The following ATF1 variants were observed in gnomAD, a reference collection of about 807,000 sequenced individuals.
The protein encoded by ATF1 is activating transcription factor 1, also known as cyclic AMP-dependent transcription factor ATF-1.
In ATF1, 16 loss-of-function variants were observed where a neutral mutation model predicts 34.7. The ratio of observed to expected loss-of-function variants is 0.46; its 90% CI spans 0.31 to 0.70. The LOEUF is 0.70. Among genes scored for constraint, ATF1 ranks in the 30% least tolerant of loss-of-function variants. The probability of loss-of-function intolerance (pLI) is 0.05; values close to 1 mark genes in which losing one functional copy is unlikely to be tolerated. For synonymous variants in ATF1, 105 were observed against 113.1 expected (o/e 0.93, Z 0.46); for missense variants, 255 against 321.6 (o/e 0.79, Z 1.58).
chr12:50,784,824 A>G (rs1218439354), intron 2 of ATF1, among the ~76,000 whole-genome samples: 1 of 151,944 alleles, frequency 6.6e-6, no homozygotes, highest in African/African-American at 2.4e-5. Flanking sequence ...CTGGATATAT[A>G]TTGGTTGTAA....
chr12:50,780,001 C>T (rs1179235150), intron 1 of ATF1, 139 bp from the exon 2 acceptor site: 1 of 503,244 alleles, frequency 2.0e-6, no homozygotes, highest in Non-Finnish European at 3.3e-6. Context: ...AATGCACAGT[C>T]CCCTTTCTAT....
rs1941928334 is a variant in ATF1, at chr12:50,820,460, A to AAAG, written c.*682_*684dup. 5.5e-6 allele frequency: 1 copy of AAAG among 183,244 alleles called. No homozygotes were observed. Among genetic ancestry groups the AAAG allele is most frequent in the Non-Finnish European group, 1.2e-5 (1 of 85,810 alleles). The allele number at this position is 183,244 out of a possible 1,614,324, so 11.4% of individuals were successfully genotyped here. ...ATCAGAATGGAAAAAGAACTGTTTAAAAGTTTGATACTTTTAAATAGTTGG... is the reference window on the plus strand; with the variant it reads ...ATCAGAATGGAAAAAGAACTGTTTAAAAGAAGTTTGATACTTTTAAATAGTTGG... On this transcript the variant is annotated 3_prime_UTR_variant, in exon 7 of 7. Coordinates refer to ENST00000262053, the MANE Select transcript of ATF1 (RefSeq NM_005171.5).
chr12:50,802,656 G>A (rs567383145), intron 3 of ATF1, among the ~76,000 whole-genome samples: 3 of 151,270 alleles, frequency 2.0e-5, no homozygotes, highest in African/African-American at 4.8e-5. Flanking sequence ...GGCAGATCAC[G>A]AGGTCAGGAG....
At chr12:50,809,142 G>A (rs1941678298) in intron 3 of ATF1, among the ~76,000 whole-genome samples, 1 of 152,102 alleles carries the variant, frequency 6.6e-6, no homozygotes, top group Admixed American at 6.6e-5. Flanking sequence ...GGGAAGAGGA[G>A]ATGAGTGGAT....
At position 50,819,701 on chromosome 12, in the gene ATF1, A is replaced by G; in HGVS notation, c.738A>G (p.Ala246=). The G allele has an allele frequency of 1.9e-6, 3 of 1,611,534 alleles. No homozygotes were observed. The highest frequency in any genetic ancestry group is 2.5e-6 in the Non-Finnish European group (3 of 1,178,520). The stretch of plus-strand genomic sequence containing the variant: ...TGAAATGCCTGGAAAACCGAGTTGC[A>G]GTCCTGGAAAATCAAAATAAAACTC... The part of the protein sequence containing the change: ...EYVKCLENRV[A]VLENQNKTLI... The change falls in exon 7 of 7, where the codon GCA becomes GCG. Residue 246 remains alanine (A), a synonymous_variant. Coordinates refer to ENST00000262053, the MANE Select transcript of ATF1 (RefSeq NM_005171.5).
chr12:50,803,632 A>G (rs1261877055), intron 3 of ATF1, among the ~76,000 whole-genome samples: 1 of 152,220 alleles, frequency 6.6e-6, no homozygotes, highest in Non-Finnish European at 1.5e-5. Flanking sequence ...CATTTATATG[A>G]AAACTTGTTC....
chr12:50,819,428 C>G (rs1447146366), intron 6 of ATF1, among the ~76,000 whole-genome samples: 1 of 152,172 alleles, frequency 6.6e-6, no homozygotes, highest in Non-Finnish European at 1.5e-5. Flanking sequence ...TGGGAATGTT[C>G]TGTTGTCTTG....
intron 1 of ATF1, among the ~76,000 whole-genome samples, chr12:50,767,556 C>T (rs561825809): frequency 9.9e-5 from 15 of 152,250 alleles, no homozygotes; most frequent in Admixed American, 8.5e-4. Flanking sequence ...CCTGTAAGCT[C>T]GCTTTTCAAG....
chr12:50,809,395 ATTATT>A (rs148890504), intron 3 of ATF1, 56 bp from the exon 4 acceptor site: 43,342 of 1,175,078 alleles, frequency 0.037, 441 homozygotes, highest in Non-Finnish European at 0.043. Flanking sequence ...AAAAAAAAAA[ATTATT>A]TTTGTGAAGT....
intron 1 of ATF1, among the ~76,000 whole-genome samples, chr12:50,772,676 TTCTC>T (rs60731667): frequency 0.01 from 1,580 of 150,530 alleles, 17 homozygotes; most frequent in Non-Finnish European, 0.017. Flanking sequence ...AAATATATTT[TTCTC>T]TCTCTCTCTC....
intron 1 of ATF1, among the ~76,000 whole-genome samples, chr12:50,777,732 G>A (rs112329441): frequency 0.015 from 2,297 of 151,262 alleles, 59 homozygotes; most frequent in African/African-American, 0.052. Context: ...AGTGAGCCGA[G>A]GTTGCACCAC....
At chr12:50,789,178 G>A (rs1941250029) in intron 2 of ATF1, among the ~76,000 whole-genome samples, 1 of 151,630 alleles carries the variant, frequency 6.6e-6, no homozygotes, top group South Asian at 2.1e-4. Flanking sequence ...TCCACTTCCT[G>A]GGTTCAAGCA....
intron 3 of ATF1, among the ~76,000 whole-genome samples, chr12:50,808,874 G>T (rs1261601131): frequency 6.6e-6 from 1 of 151,712 alleles, no homozygotes; most frequent in Non-Finnish European, 1.5e-5. Flanking sequence ...CAAGTAGCTG[G>T]GATTACAGGC....
At chr12:50,791,827 G>A (rs1941308042) in intron 2 of ATF1, among the ~76,000 whole-genome samples, 1 of 152,082 alleles carries the variant, frequency 6.6e-6, no homozygotes, top group Non-Finnish European at 1.5e-5. Flanking sequence ...TCTTAGTTTA[G>A]CATTTTATCA....
chr12:50,778,224 CTTTTTTTTTTT>C (rs71086479), intron 1 of ATF1, among the ~76,000 whole-genome samples: 1 of 96,358 alleles, frequency 1.0e-5, no homozygotes, highest in Non-Finnish European at 1.9e-5. Flanking sequence ...CCATATTAAC[CTTTTTTTTTTT>C]TTTTTTTTTG....
chr12:50,766,735 G>A (rs976607468), intron 1 of ATF1, among the ~76,000 whole-genome samples: 4 of 150,950 alleles, frequency 2.6e-5, no homozygotes, highest in Non-Finnish European at 5.9e-5. Context: ...GCGGCTGCCT[G>A]AGGTTTTCAT....
chr12:50,782,222 TTTTC>T (rs1205150635), intron 2 of ATF1, among the ~76,000 whole-genome samples: 3 of 142,060 alleles, frequency 2.1e-5, no homozygotes, highest in Admixed American at 7.0e-5. Flanking sequence ...ATTTCAGCTG[TTTTC>T]TTTTTCTGTT....
At chr12:50,804,790 A>G (rs1474568641) in intron 3 of ATF1, among the ~76,000 whole-genome samples, 1 of 152,012 alleles carries the variant, frequency 6.6e-6, no homozygotes, top group Non-Finnish European at 1.5e-5. Flanking sequence ...ATGCCAGATG[A>G]TATCAGAAGC....
chr12:50,775,764 C>T (rs373983489), intron 1 of ATF1: 1 of 152,078 alleles, frequency 6.6e-6, no homozygotes, highest in Non-Finnish European at 1.5e-5. Flanking sequence ...CTTCTTTGCT[C>T]TGTATTCTAA....
Sources: gnomAD v4.1 joint callset for allele counts (sites outside exome capture counted in the v4.1 genomes callset) on GRCh38, gnomAD v4.1.1 for gene constraint, MANE v1.5 for transcripts, NCBI Gene and HGNC (gene_info 2026-07-23, HGNC 2026-07-21) for gene names.